Variants in CADPS2 observed in about 807,000 individuals in gnomAD.
The protein encoded by CADPS2 is calcium-dependent secretion activator 2.
Under a neutral mutation model 172.5 loss-of-function variants are expected in CADPS2, and 93 were observed. The observed-to-expected ratio is 0.54, with a 90% CI of 0.46 to 0.64. CADPS2 has a LOEUF of 0.64. Ranked by LOEUF, CADPS2 falls within the 30% of genes least tolerant of loss-of-function variation. The pLI is 0.00. For missense variants in CADPS2, 1,420 were observed against 1,565.9 expected (o/e 0.91, Z 1.57); for synonymous variants, 546 against 555.2 (o/e 0.98, Z 0.23).
chr7:122,812,866 A>C (rs17144937), intron 1 of CADPS2, among the ~76,000 whole-genome samples: 30,212 of 152,118 alleles, frequency 0.2, 3,123 homozygotes, highest in Middle Eastern at 0.3. Flanking sequence ...ACTACAGTGC[A>C]CTAGTACAAA....
intron 17 of CADPS2, among the ~76,000 whole-genome samples, chr7:122,418,688 T>C (rs995697987): frequency 2.0e-5 from 3 of 152,042 alleles, no homozygotes; most frequent in East Asian, 1.9e-4. Context: ...TTGTGAGCCA[T>C]TGTTGAGTGG....
intron 2 of CADPS2, among the ~76,000 whole-genome samples, chr7:122,735,324 AC>A (rs1339689552): frequency 6.6e-6 from 1 of 151,948 alleles, no homozygotes; most frequent in Non-Finnish European, 1.5e-5. Flanking sequence ...CAGGCTAAAC[AC>A]CCCCAGCTCC....
At position 122,736,692 on chromosome 7, in the gene CADPS2, A is replaced by G. The variant is rs542353577; in HGVS notation, c.453+263T>C. 2.6e-5 allele frequency among the ~76,000 whole-genome samples: 4 copies of G among 152,326 alleles called. No individual in the cohort carries two copies. In the South Asian group the frequency reaches 8.3e-4, roughly 32 times the overall value. On this transcript the variant is annotated intron_variant, in intron 2 of 29. Transcript: ENST00000449022. ...AAGATAGCTATAGTCAGCTGTATCA[A>G]TCACTGCCAGAAGATTTTTCTAAAT...
At chr7:122,556,297 A>C (rs1386335654) in intron 7 of CADPS2, among the ~76,000 whole-genome samples, 1 of 152,008 alleles carries the variant, frequency 6.6e-6, no homozygotes, top group South Asian at 2.1e-4. Context: ...TATTCCAAAA[A>C]AGAATAAAAG....
At chr7:122,423,844 T>C (rs2048827080) in intron 17 of CADPS2, among the ~76,000 whole-genome samples, 1 of 152,216 alleles carries the variant, frequency 6.6e-6, no homozygotes, top group African/African-American at 2.4e-5. Context: ...CAGGTGATGC[T>C]CATGATGCTG....
intron 2 of CADPS2, among the ~76,000 whole-genome samples, chr7:122,729,732 G>A (rs1166239770): frequency 7.9e-6 from 1 of 126,888 alleles, no homozygotes; most frequent in Non-Finnish European, 1.6e-5. Flanking sequence ...GTATATTCTG[G>A]ATATTAGTCC....
intron 7 of CADPS2, among the ~76,000 whole-genome samples, chr7:122,557,369 T>C (rs1295932558): frequency 6.6e-6 from 1 of 152,170 alleles, no homozygotes; most frequent in Admixed American, 6.6e-5. Context: ...TCTGGGACAC[T>C]TCCTTGGCAG....
intron 14 of CADPS2, 142 bp downstream of exon 14, chr7:122,471,233 T>TC (rs1176286469): frequency 1.5e-6 from 1 of 683,604 alleles, no homozygotes; most frequent in Non-Finnish European, 2.3e-6. Context: ...CACACTTTTT[T>TC]CTCTGTCGTT....
chr7:122,467,164 T>C (rs372988473), intron 14 of CADPS2, among the ~76,000 whole-genome samples: 4 of 152,220 alleles, frequency 2.6e-5, no homozygotes, highest in Non-Finnish European at 5.9e-5. Context: ...TCAGATCAGG[T>C]ACATTACCTA....
chr7:122,525,725 G>A (rs1179866955), intron 8 of CADPS2, among the ~76,000 whole-genome samples: 2 of 152,114 alleles, frequency 1.3e-5, no homozygotes, highest in African/African-American at 4.8e-5. Flanking sequence ...TACATACCTA[G>A]CACATACTTT....
intron 13 of CADPS2, among the ~76,000 whole-genome samples, chr7:122,471,805 C>T (rs189112158): frequency 6.6e-6 from 1 of 152,146 alleles, no homozygotes; most frequent in East Asian, 1.9e-4. Context: ...TTGTGCCTCT[C>T]CAATGTCATT....
At chr7:122,635,094 T>C (rs1330697813) in intron 3 of CADPS2, among the ~76,000 whole-genome samples, 4 of 152,148 alleles carry the variant, frequency 2.6e-5, no homozygotes, top group East Asian at 1.9e-4. Context: ...GAATATGTTC[T>C]GTGTGCAGAT....
intron 6 of CADPS2, among the ~76,000 whole-genome samples, chr7:122,614,266 T>A (rs997305969): frequency 1.3e-5 from 2 of 152,072 alleles, no homozygotes; most frequent in Non-Finnish European, 2.9e-5. Context: ...TTCAACTTGT[T>A]TCTTTTCAAC....
chr7:122,381,528 T>A (rs2042995898), intron 24 of CADPS2, among the ~76,000 whole-genome samples: 2 of 152,128 alleles, frequency 1.3e-5, no homozygotes, highest in Admixed American at 1.3e-4. Context: ...GTATATAAAA[T>A]ACAGAGCTTC....
intron 8 of CADPS2, among the ~76,000 whole-genome samples, chr7:122,529,717 A>G (rs1388965398): frequency 6.6e-6 from 1 of 152,114 alleles, no homozygotes; most frequent in East Asian, 1.9e-4. Flanking sequence ...GCTTCAATTA[A>G]GAAGGTATGT....
intron 1 of CADPS2, among the ~76,000 whole-genome samples, chr7:122,848,843 A>T (rs1812741483): frequency 6.6e-6 from 1 of 152,174 alleles, no homozygotes; most frequent in Non-Finnish European, 1.5e-5. Context: ...TGGGAAAGGG[A>T]GAGGAACTAC....
At position 122,416,156 on chromosome 7, in the gene CADPS2, T is replaced by A. The variant is rs777866594; in HGVS notation, c.2485A>T (p.Asn829Tyr). 6.5e-7 allele frequency: 1 copy of A among 1,537,608 alleles called. No individual in the cohort carries two copies. The highest frequency in any genetic ancestry group is 8.8e-7 in the Non-Finnish European group (1 of 1,134,646). Residue 829 changes from asparagine (N) to tyrosine (Y), a missense_variant, in exon 18 of 30, where the codon AAC (asparagine) becomes TAC (tyrosine). By Grantham distance (143) the Asn-to-Tyr change is moderately radical (BLOSUM62 -2). Coordinates refer to ENST00000449022, the MANE Select transcript of CADPS2 (RefSeq NM_017954.11). ...AGCTTTCTAGCAGGAGATGCCTGGT[T>A]CATGGTCTCTATATGAAAAAAAATC... is the stretch of plus-strand genomic sequence containing the variant. ...TEYAKIEETMNQASPARKLEE... is the reference protein window; with the variant it reads ...TEYAKIEETMYQASPARKLEE...
chr7:122,702,083 C>G, intron 2 of CADPS2: 1 of 1,613,508 alleles, frequency 6.2e-7, no homozygotes, highest in Non-Finnish European at 8.5e-7. Context: ...ACTTCGCCTC[C>G]TGGTGAAAGA....
intron 29 of CADPS2, among the ~76,000 whole-genome samples, chr7:122,321,624 G>A (rs2032543898): frequency 6.6e-6 from 1 of 152,068 alleles, no homozygotes; most frequent in Non-Finnish European, 1.5e-5. Flanking sequence ...GAGTAGCTGG[G>A]ATTACAGGCA....
Sources: gnomAD v4.1 joint callset for allele counts (sites outside exome capture counted in the v4.1 genomes callset) on GRCh38, gnomAD v4.1.1 for gene constraint, MANE v1.5 for transcripts, NCBI Gene and HGNC (gene_info 2026-07-23, HGNC 2026-07-21) for gene names.